PLEKHH2: variants seen among roughly 807,000 people sequenced by gnomAD.
PLEKHH2 encodes pleckstrin homology domain-containing family H member 2.
A neutral mutation model predicts 187.9 loss-of-function variants in PLEKHH2; 129 were observed. The observed-to-expected ratio is 0.69, with a 90% confidence interval of 0.59 to 0.79. PLEKHH2 has a LOEUF of 0.79. Ranked by LOEUF, PLEKHH2 falls within the 30% of genes least tolerant of loss-of-function variation. The pLI, the probability that PLEKHH2 is intolerant of heterozygous loss-of-function variation, is 0.00. For missense variants in PLEKHH2, 2,076 were observed against 1,751.2 expected (o/e 1.19, Z -3.31); for synonymous variants, 686 against 605.6 (o/e 1.13, Z -1.95).
At chr2:43,760,553 G>C (rs1034671625) in intron 27 of PLEKHH2, among the ~76,000 whole-genome samples, 4 of 151,968 alleles carry the variant, frequency 2.6e-5, no homozygotes, top group Admixed American at 2.0e-4. Context: ...GGTAGAGACA[G>C]GGTTTCACCA....
chr2:43,654,841 A>G lies in PLEKHH2; in HGVS notation c.123+10045A>G, dbSNP rs551546968. Among the ~76,000 whole-genome samples the G allele has an allele frequency of 2.6e-5, 4 of 152,198 alleles. No individual in the cohort carries two copies. The South Asian group carries it at 8.3e-4, about 32-fold the overall frequency. ...CAGGAGTTCTAGACCAGCCTGGACAACATGGTGAAACCCCATCTCTACTAA... is the reference window on the plus strand; with the variant it reads ...CAGGAGTTCTAGACCAGCCTGGACAGCATGGTGAAACCCCATCTCTACTAA... On this transcript the variant is annotated intron_variant, in intron 2 of 29. Transcript: ENST00000282406.
chr2:43,672,914 G>A (rs944717787), intron 2 of PLEKHH2, among the ~76,000 whole-genome samples: 26 of 152,044 alleles, frequency 1.7e-4, no homozygotes, highest in African/African-American at 4.8e-4. Flanking sequence ...ACAGGCACAC[G>A]TAAATTTTTT....
At chr2:43,755,810 C>T (rs1193916807) in intron 25 of PLEKHH2, among the ~76,000 whole-genome samples, 1 of 152,142 alleles carries the variant, frequency 6.6e-6, no homozygotes, top group African/African-American at 2.4e-5. Flanking sequence ...ACTGCTTGTG[C>T]TTCCTCCAAG....
Position 43,726,420 on chromosome 2 carries a change from C to A in PLEKHH2, c.2690C>A (p.Thr897Asn). Reference protein sequence around the residue: ...IVIHPKDQGPTYLLIGSKHEK... With the variant: ...IVIHPKDQGPNYLLIGSKHEK... ...ATCCATCCCAAAGACCAAGGTCCAA[C>A]TTACCTCCTAATTGGATCCAAGCAT... The change falls in exon 17 of 30, where the codon ACT becomes AAT. Residue 897 changes from threonine to asparagine, a missense_variant. Physicochemically the swap from Thr to Asn is moderately conservative, Grantham distance 65. Coordinates refer to ENST00000282406, the MANE Select transcript of PLEKHH2 (RefSeq NM_172069.4). 1.2e-6 allele frequency: 2 copies of A among 1,611,206 alleles called. No individual in the cohort carries two copies. The highest frequency in any genetic ancestry group is 1.7e-6 in the Non-Finnish European group (2 of 1,177,458).
chr2:43,719,275 C>T (rs1320661394), intron 15 of PLEKHH2, among the ~76,000 whole-genome samples: 1 of 152,180 alleles, frequency 6.6e-6, no homozygotes, highest in Non-Finnish European at 1.5e-5. Context: ...GTCCCAGTCA[C>T]TTAACTTAGT....
intron 19 of PLEKHH2, among the ~76,000 whole-genome samples, chr2:43,736,130 C>T (rs1671279223): frequency 6.6e-6 from 1 of 152,014 alleles, no homozygotes; most frequent in Admixed American, 6.6e-5. Context: ...AAAATATTTA[C>T]AGATGGTATA....
chr2:43,652,974 C>A (rs1469297987), intron 2 of PLEKHH2, among the ~76,000 whole-genome samples: 4 of 151,904 alleles, frequency 2.6e-5, no homozygotes. Context: ...AACCTAAGAG[C>A]AGGGTTGAAA....
chr2:43,755,258 C>T (rs1432923161), intron 25 of PLEKHH2, among the ~76,000 whole-genome samples: 3 of 152,124 alleles, frequency 2.0e-5, no homozygotes, highest in Non-Finnish European at 2.9e-5. Flanking sequence ...TGCCTCCACC[C>T]GGTCCCCCAA....
At chr2:43,654,394 ACCATGTTGG>A (rs893116149) in intron 2 of PLEKHH2, among the ~76,000 whole-genome samples, 3 of 151,802 alleles carry the variant, frequency 2.0e-5, no homozygotes, top group African/African-American at 7.2e-5. Context: ...ATGAGGTTTC[ACCATGTTGG>A]CCAGGATGGT....
chr2:43,748,265 T>G (rs1207590927), intron 24 of PLEKHH2, among the ~76,000 whole-genome samples: 1 of 152,178 alleles, frequency 6.6e-6, no homozygotes, highest in African/African-American at 2.4e-5. Flanking sequence ...GTGTCTAAGA[T>G]TTTAAAATCA....
At chr2:43,640,379 T>C (rs1215264911) in intron 1 of PLEKHH2, among the ~76,000 whole-genome samples, 1 of 151,982 alleles carries the variant, frequency 6.6e-6, no homozygotes, top group Non-Finnish European at 1.5e-5. Flanking sequence ...TTGATAGAGA[T>C]GAGGTCTTGC....
intron 2 of PLEKHH2, chr2:43,676,445 C>T: frequency 1.4e-6 from 1 of 707,150 alleles, no homozygotes; most frequent in Non-Finnish European, 2.3e-6. Context: ...CGGGAGGTCG[C>T]TTCTCGGTGG....
intron 3 of PLEKHH2, among the ~76,000 whole-genome samples, chr2:43,681,773 C>A (rs1173043282): frequency 1.3e-5 from 2 of 152,182 alleles, no homozygotes; most frequent in African/African-American, 4.8e-5. Context: ...CTACTCTGGA[C>A]CCTCTCCCCA....
At chr2:43,655,415 G>T (rs1022916268) in intron 2 of PLEKHH2, among the ~76,000 whole-genome samples, 11 of 152,100 alleles carry the variant, frequency 7.2e-5, no homozygotes, top group African/African-American at 2.7e-4. Flanking sequence ...TACAATAGCT[G>T]GGATTGATTT....
At chr2:43,678,473 C>T (rs899560529) in intron 2 of PLEKHH2, among the ~76,000 whole-genome samples, 2 of 152,176 alleles carry the variant, frequency 1.3e-5, no homozygotes, top group East Asian at 1.9e-4. Flanking sequence ...CTCAGGAGGC[C>T]GAGGCTCGCA....
intron 2 of PLEKHH2, chr2:43,675,728 G>T (rs367771129): frequency 2.5e-6 from 4 of 1,613,774 alleles, no homozygotes; most frequent in African/African-American, 2.7e-5. Context: ...GAGTTATCGA[G>T]AAGTCTGTTA....
intron 2 of PLEKHH2, among the ~76,000 whole-genome samples, chr2:43,653,541 A>G (rs1355954506): frequency 6.6e-6 from 1 of 152,226 alleles, no homozygotes; most frequent in Non-Finnish European, 1.5e-5. Flanking sequence ...GCTTTATTAA[A>G]AGGAGGAAGT....
At position 43,699,842 on chromosome 2, in the gene PLEKHH2, A is replaced by G; in HGVS notation, c.884A>G (p.Lys295Arg). Residue 295 changes from lysine (K) to arginine (R), a missense_variant, in exon 8 of 30, where the codon AAA becomes AGA. By Grantham distance (26) the Lys-to-Arg change is conservative. Transcript: ENST00000282406. ...DWSSDEEDGSKGRSKSRCTST... is the reference protein window; with the variant it reads ...DWSSDEEDGSRGRSKSRCTST... Reference sequence around the variant, plus strand: ...AGCTCTGATGAGGAAGACGGGAGCAAAGGAAGATCCAAGTCCAGATGCACA... The same window carrying G: ...AGCTCTGATGAGGAAGACGGGAGCAGAGGAAGATCCAAGTCCAGATGCACA... The G allele has an allele frequency of 1.2e-6, 2 of 1,614,118 alleles. No homozygotes were observed. The highest frequency in any genetic ancestry group is 2.2e-5 in the South Asian group (2 of 91,078).
At chr2:43,734,816 T>C (rs1013051033) in intron 19 of PLEKHH2, among the ~76,000 whole-genome samples, 12 of 152,204 alleles carry the variant, frequency 7.9e-5, no homozygotes, top group African/African-American at 2.9e-4. Context: ...ATTATAGCAC[T>C]GTTCACAAGA....
Sources: gnomAD v4.1 joint callset for allele counts (sites outside exome capture counted in the v4.1 genomes callset) on GRCh38, gnomAD v4.1.1 for gene constraint, MANE v1.5 for transcripts, NCBI Gene and HGNC (gene_info 2026-07-23, HGNC 2026-07-21) for gene names.